The following XIRP2 variants were observed in gnomAD, a reference collection of about 807,000 sequenced individuals.
XIRP2 encodes the protein xin actin-binding repeat-containing protein 2.
In XIRP2, 236 loss-of-function variants were observed where a neutral mutation model predicts 277.0. The observed-to-expected ratio is 0.85, with a 90% confidence interval of 0.77 to 0.95. XIRP2 has a LOEUF of 0.95. Among genes scored for constraint, XIRP2 ranks in the 40% least tolerant of loss-of-function variants. The pLI is 0.00. For missense variants in XIRP2, 4,640 were observed against 4,157.5 expected (o/e 1.12, Z -3.19); for synonymous variants, 1,490 against 1,416.5 (o/e 1.05, Z -1.17).
At chr2:167,169,057 A>G (rs1254063536) in intron 3 of XIRP2, among the ~76,000 whole-genome samples, 2 of 151,206 alleles carry the variant, frequency 1.3e-5, no homozygotes. Context: ...GTCAGACATG[A>G]TATACTAGGT....
Position 167,244,498 on chromosome 2 carries a change from T to C in XIRP2, c.3106T>C (p.Phe1036Leu). The change falls in exon 9 of 11, where the codon TTT (phenylalanine) becomes CTT (leucine). Residue 1036 changes from phenylalanine to leucine, a missense_variant. Phe to Leu is a conservative substitution (Grantham distance 22). Transcript: ENST00000409195. ...IDQFDESIHK[F>L]QIIRGISAQE... ...CCAGTTTGATGAAAGCATTCATAAA[T>C]TTCAAATAATTAGAGGAATATCTGC... 6.2e-7 allele frequency: 1 copy of C among 1,613,664 alleles called. No homozygotes were observed. The highest frequency in any genetic ancestry group is 8.5e-7 in the Non-Finnish European group (1 of 1,179,786).
chr2:167,176,950 T>A (rs1692863914), intron 3 of XIRP2, among the ~76,000 whole-genome samples: 1 of 152,196 alleles, frequency 6.6e-6, no homozygotes, highest in African/African-American at 2.4e-5. Context: ...ACATGGTCAC[T>A]GTCTTGCACT....
intron 4 of XIRP2, among the ~76,000 whole-genome samples, chr2:167,215,361 A>G (rs1291742981): frequency 3.3e-5 from 5 of 152,186 alleles, no homozygotes; most frequent in African/African-American, 9.7e-5. Context: ...GCCACCACAC[A>G]TATTTTGAAA....
In XIRP2 at chr2:167,244,180, G is replaced by A. The variant is rs865872662; in HGVS notation, c.2788G>A (p.Glu930Lys). 6.2e-7 allele frequency: 1 copy of A among 1,613,640 alleles called. No homozygotes were observed. The highest frequency in any genetic ancestry group is 8.5e-7 in the Non-Finnish European group (1 of 1,179,844). ...GGAAGACATTAGAAAAGATAAAAAG[G>A]AGTACACACGAACAGTGAAACTTGA... is the stretch of plus-strand genomic sequence containing the variant. ...PLEDIRKDKK[E>K]YTRTVKLEEV... is the part of the protein sequence containing the mutation. Residue 930 changes from glutamate to lysine, a missense_variant, in exon 9 of 11, where the codon GAG (glutamate) becomes AAG (lysine). By Grantham distance (56) the Glu-to-Lys change is moderately conservative. Coordinates refer to ENST00000409195, the MANE Select transcript of XIRP2 (RefSeq NM_152381.6).
At chr2:167,031,521 C>T (rs1307386845) in intron 2 of XIRP2, among the ~76,000 whole-genome samples, 1 of 152,056 alleles carries the variant, frequency 6.6e-6, no homozygotes, top group Non-Finnish European at 1.5e-5. Context: ...GAATTTGTCC[C>T]TGTTTGCAGA....
intron 3 of XIRP2, among the ~76,000 whole-genome samples, chr2:167,147,048 CAT>C (rs1377974619): frequency 2.0e-5 from 3 of 152,104 alleles, no homozygotes; most frequent in Non-Finnish European, 4.4e-5. Context: ...AAAATACACA[CAT>C]GTTAAAACAA....
At chr2:167,063,207 C>A (rs185234902) in intron 2 of XIRP2, among the ~76,000 whole-genome samples, 1 of 151,850 alleles carries the variant, frequency 6.6e-6, no homozygotes, top group Admixed American at 6.6e-5. Flanking sequence ...TTCATGTGAG[C>A]ATTTCCCAGA....
At chr2:167,181,298 T>C (rs1423536809) in intron 3 of XIRP2, among the ~76,000 whole-genome samples, 1 of 152,160 alleles carries the variant, frequency 6.6e-6, no homozygotes, top group East Asian at 1.9e-4. Context: ...CTCTCTATTA[T>C]TTGGGGAAAC....
intron 2 of XIRP2, among the ~76,000 whole-genome samples, chr2:167,078,073 T>A (rs978614820): frequency 3.9e-5 from 6 of 152,242 alleles, no homozygotes; most frequent in Admixed American, 2.6e-4. Flanking sequence ...TTGGGCAGTG[T>A]GGCCATTTCA....
intron 2 of XIRP2, among the ~76,000 whole-genome samples, chr2:167,013,176 A>T (rs556679734): frequency 2.4e-4 from 36 of 151,454 alleles, no homozygotes; most frequent in African/African-American, 8.0e-4. Flanking sequence ...TATTTTAATC[A>T]GTTTATCAAT....
At position 167,136,039 on chromosome 2, in the gene XIRP2, G is replaced by A. The variant is rs375717171; in HGVS notation, c.539G>A (p.Ser180Asn). 2 of 1,607,988 alleles carry A rather than the reference G, an allele frequency of 1.2e-6. No individual in the cohort carries two copies. The highest frequency in any genetic ancestry group is 1.7e-6 in the Non-Finnish European group (2 of 1,177,760). ...ETSFDKMSPE[S>N]GHSRIFEATA... ...TCTTTTGACAAGATGTCACCTGAAA[G>A]TGGTCACAGCCGCATCTTTGAAGGT... is the stretch of plus-strand genomic sequence containing the variant. The change falls in exon 3 of 11, where the codon AGT (serine) becomes AAT (asparagine). Residue 180 changes from serine (S) to asparagine (N), a missense_variant. By Grantham distance (46) the Ser-to-Asn change is conservative. Coordinates refer to ENST00000409195, the MANE Select transcript of XIRP2 (RefSeq NM_152381.6).
chr2:167,037,518 GGTGTGTGTGT>G (rs59857626), intron 2 of XIRP2, among the ~76,000 whole-genome samples: 4 of 126,458 alleles, frequency 3.2e-5, no homozygotes, highest in South Asian at 2.4e-4. Flanking sequence ...TCATGTGGGG[GGTGTGTGTGT>G]GTGTGTGTGT....
intron 2 of XIRP2, among the ~76,000 whole-genome samples, chr2:167,099,707 A>C (rs1161134565): frequency 6.6e-6 from 1 of 152,112 alleles, no homozygotes; most frequent in Non-Finnish European, 1.5e-5. Flanking sequence ...TCTGGGCTGG[A>C]TAGCACCATC....
intron 2 of XIRP2, among the ~76,000 whole-genome samples, chr2:167,004,329 T>A (rs1687450277): frequency 6.6e-6 from 1 of 151,872 alleles, no homozygotes; most frequent in Admixed American, 6.6e-5. Context: ...TTCCCAAGGT[T>A]CATCACAATA....
chr2:167,065,434 T>C (rs991427481), intron 2 of XIRP2, among the ~76,000 whole-genome samples: 2 of 151,878 alleles, frequency 1.3e-5, no homozygotes, highest in Non-Finnish European at 2.9e-5. Flanking sequence ...AAACATGATT[T>C]GTAAATATTT....
intron 2 of XIRP2, among the ~76,000 whole-genome samples, chr2:167,051,729 T>A (rs1021490852): frequency 6.6e-6 from 1 of 152,106 alleles, no homozygotes; most frequent in Admixed American, 6.6e-5. Context: ...TAAAACATTT[T>A]AAAAATATAT....
intron 3 of XIRP2, among the ~76,000 whole-genome samples, chr2:167,147,364 A>T (rs1691891598): frequency 6.6e-6 from 1 of 152,152 alleles, no homozygotes; most frequent in South Asian, 2.1e-4. Context: ...CAAGCTCTGG[A>T]ATATCAGGCC....
rs778641375 is a variant in XIRP2 at position 167,247,628 on chromosome 2, T to C, written c.6236T>C (p.Met2079Thr). 3.7e-6 allele frequency: 6 copies of C among 1,613,568 alleles called. No homozygotes were observed. Among genetic ancestry groups the C allele is most frequent in the African/African-American group, 2.7e-5 (2 of 74,898 alleles). Residue 2079 changes from methionine (M) to threonine (T), a missense_variant, in exon 9 of 11, where the codon ATG (methionine) becomes ACG (threonine). By Grantham distance (81) the Met-to-Thr change is moderately conservative. Coordinates refer to ENST00000409195, the MANE Select transcript of XIRP2 (RefSeq NM_152381.6). The part of the protein sequence containing the change: ...TGEQHLRDEY[M>T]SRQLTSTVSV... ...GAACAGCATCTTAGAGATGAATATA[T>C]GAGCAGACAATTAACTTCAACTGTG...
intron 2 of XIRP2, among the ~76,000 whole-genome samples, chr2:167,082,380 A>T (rs910007451): frequency 6.6e-6 from 1 of 151,910 alleles, no homozygotes; most frequent in Non-Finnish European, 1.5e-5. Flanking sequence ...AGTCTTTGCT[A>T]TTGTGAATAA....
Sources: allele counts gnomAD v4.1 joint callset (sites outside exome capture counted in the v4.1 genomes callset), GRCh38; gene constraint gnomAD v4.1.1; transcripts MANE v1.5; gene names NCBI Gene and HGNC (gene_info 2026-07-23, HGNC 2026-07-21).